Variants in NONO observed in about 807,000 individuals in gnomAD.
NONO encodes the protein non-POU domain-containing octamer-binding protein.
NONO carries 6 observed loss-of-function variants against 40.2 expected under a neutral mutation model. That is an observed-to-expected ratio of 0.15 (90% CI 0.08 to 0.29). The LOEUF (loss-of-function observed/expected upper bound fraction) is 0.29. Ranked by LOEUF, NONO falls within the 10% of genes least tolerant of loss-of-function variation. The pLI is 1.00. For synonymous variants in NONO, 89 were observed against 123.3 expected, an observed-to-expected ratio of 0.72 and a Z score of 1.85; for missense variants, 133 against 397.8, an observed-to-expected ratio of 0.33 and a Z score of 5.66.
At chrX:71,283,938 G>C (rs766501752) in intron 1 of NONO, 5 of 111,797 alleles carry the variant, frequency 4.5e-5, no homozygotes. Flanking sequence ...CCCCATTTTC[G>C]TTCCTGCCCT....
chrX:71,288,008 A>AT (rs1198660933), intron 2 of NONO, among the ~76,000 whole-genome samples: 3,294 of 71,899 alleles, frequency 0.046, 76 homozygotes, highest in Middle Eastern at 0.16. Context: ...TGCTGGCTTC[A>AT]TTTTTTTTTT....
intron 4 of NONO, among the ~76,000 whole-genome samples, chrX:71,293,833 T>C (rs1053288802): frequency 2.7e-5 from 3 of 110,910 alleles, no homozygotes; most frequent in Admixed American, 9.6e-5. Context: ...GGTTTCACCC[T>C]GTTGGCCAGG....
At position 71,296,947 on chromosome X, in the gene NONO, G is replaced by A. The variant is rs763112928; in HGVS notation, c.843G>A (p.Gln281=). 1 of 1,208,745 alleles carries A rather than the reference G, an allele frequency of 8.3e-7. No individual in the cohort carries two copies. The highest frequency in any genetic ancestry group is 1.8e-5 in the African/African-American group (1 of 57,075). ...WKALIEMEKQ[Q]QDQVDRNIKE... ...CACTCATTGAGATGGAGAAGCAGCA[G>A]CAGGACCAAGTGGACCGCAACATCA... Residue 281 remains glutamine, a synonymous_variant, in exon 7 of 12, where the codon CAG becomes CAA. Coordinates refer to ENST00000276079, the MANE Select transcript of NONO (RefSeq NM_007363.5).
chrX:71,297,370 T>C lies in NONO; in HGVS notation c.944-7T>C. On this transcript the variant is annotated splice_region_variant and splice_polypyrimidine_tract_variant and intron_variant, in intron 7 of 11. Coordinates refer to ENST00000276079, the MANE Select transcript of NONO (RefSeq NM_007363.5). The stretch of plus-strand genomic sequence containing the variant: ...TGAGGAATATTCTTAGTCTGTTGTT[T>C]TTTTAGATTTGATGAGGCGCCAAGA... 8.5e-7 allele frequency: 1 copy of C among 1,170,277 alleles called. No individual in the cohort carries two copies. The highest frequency in any genetic ancestry group is 3.2e-5 in the East Asian group (1 of 31,279).
At chrX:71,291,719 G>A in intron 3 of NONO, 60 bp from the exon 4 acceptor site, 1 of 886,766 alleles carries the variant, frequency 1.1e-6, no homozygotes, top group Non-Finnish European at 1.5e-6. Context: ...ATAGGTCTTT[G>A]AGGATACGAC....
intron 4 of NONO, 132 bp downstream of exon 4, chrX:71,292,104 A>G (rs1401377158): frequency 4.6e-6 from 2 of 434,595 alleles, no homozygotes; most frequent in East Asian, 8.1e-5. Context: ...AAACAGAACC[A>G]CAAAAATGGC....
rs2031552737 is a variant in NONO, at chrX:71,300,385, C to CA, written c.*309_*310insA. Reference sequence around the variant, plus strand: ...TAGAGCCCATTAATCTTGATCATTCCGGTTTTTTTTTTTTTTGTCCATCTT... The same window carrying CA: ...TAGAGCCCATTAATCTTGATCATTCCAGGTTTTTTTTTTTTTTGTCCATCTT... On this transcript the variant is annotated 3_prime_UTR_variant, in exon 12 of 12. Coordinates refer to ENST00000276079, the MANE Select transcript of NONO (RefSeq NM_007363.5). The CA allele has an allele frequency of 2.2e-5, 6 of 272,569 alleles. No homozygotes were observed. The South Asian group carries it at 2.5e-4, about 11-fold the overall frequency. The allele number at this position is 272,569 out of a possible 1,213,427, so 22.5% of individuals were successfully genotyped here. A position where few individuals can be genotyped will look rare whatever the true frequency, so the allele number is the denominator to read the frequency against.
Position 71,301,109 on chromosome X carries a change from T to TC in NONO, c.*1034dup, listed in dbSNP as rs1488698598. On this transcript the variant is annotated 3_prime_UTR_variant, in exon 12 of 12. Coordinates refer to ENST00000276079, the MANE Select transcript of NONO (RefSeq NM_007363.5). ...ATTTGTCTCATATATTTGGAGTTTTTCTGAAAAATGGAGCAGTAATGCAGC... is the reference window on the plus strand; with the variant it reads ...ATTTGTCTCATATATTTGGAGTTTTTCCTGAAAAATGGAGCAGTAATGCAGC... 3 of 141,845 alleles carry TC rather than the reference T, an allele frequency of 2.1e-5. No individual in the cohort carries two copies. The allele number at this position is 141,845 out of a possible 1,213,427, so 11.7% of individuals were successfully genotyped here.
chrX:71,300,030 C>G lies in NONO; in HGVS notation c.1370C>G (p.Ala457Gly). The G allele has an allele frequency of 8.3e-7, 1 of 1,211,324 alleles. No homozygotes were observed. The highest frequency in any genetic ancestry group is 2.2e-5 in the Admixed American group (1 of 45,980). The part of the protein sequence containing the change: ...IGGTPPAFNR[A>G]APGAEFAPNK... ...GGAACTCCTCCTGCATTCAACCGTG[C>G]AGCTCCTGGAGCTGAATTTGCCCCA... The change falls in exon 12 of 12, where the codon GCA becomes GGA. Residue 457 changes from alanine to glycine, a missense_variant. Coordinates refer to ENST00000276079, the MANE Select transcript of NONO (RefSeq NM_007363.5).
rs1206132532 is a variant in NONO at position 71,297,089 on chromosome X, T to G, written c.943+42T>G. The stretch of plus-strand genomic sequence containing the variant: ...AAGTCTTAAAGCTGAAAGGACAAAA[T>G]GACATTTTTAAATGGGTTTCTTTGT... On this transcript the variant is annotated intron_variant, in intron 7 of 11. Coordinates refer to ENST00000276079, the MANE Select transcript of NONO (RefSeq NM_007363.5). 7.5e-6 allele frequency: 8 copies of G among 1,067,136 alleles called. No homozygotes were observed. In the South Asian group the frequency reaches 1.6e-4, roughly 21 times the overall value. The allele number at this position is 1,067,136 out of a possible 1,213,427, so 87.9% of individuals were successfully genotyped here. A position where few individuals can be genotyped will look rare whatever the true frequency, so the allele number is the denominator to read the frequency against.
intron 9 of NONO, 71 bp from the exon 10 acceptor site, chrX:71,298,398 T>C (rs377590065): frequency 2.2e-6 from 2 of 907,466 alleles, no homozygotes; most frequent in African/African-American, 3.9e-5. Flanking sequence ...TCCCTTAGTG[T>C]GTGGTCCTTG....
intron 2 of NONO, among the ~76,000 whole-genome samples, chrX:71,290,142 GCTCAAGTGATCCTCCCAC>G (rs2031291159): frequency 9.0e-6 from 1 of 110,710 alleles, no homozygotes; most frequent in African/African-American, 3.3e-5. Flanking sequence ...GAACTCCTGG[GCTCAAGTGATCCTCCCAC>G]CTCAGCCTCC....
At chrX:71,296,239 G>A (rs769345941) in intron 5 of NONO, among the ~76,000 whole-genome samples, 2 of 104,209 alleles carry the variant, frequency 1.9e-5, no homozygotes, top group Admixed American at 1.1e-4. Flanking sequence ...TCTGTCTCCC[G>A]GGTCCAAGTG....
At position 71,294,667 on chromosome X, in the gene NONO, C is replaced by T. The variant is rs1481764465; in HGVS notation, c.650+139C>T. ...GCATGGTGGCTGACTCCTGTAATCC[C>T]AGCACTTTGGGAGGCCGGGGCAGGC... On this transcript the variant is annotated intron_variant, in intron 5 of 11. Transcript: ENST00000276079. The T allele has an allele frequency of 5.0e-6, 3 of 603,540 alleles. No homozygotes were observed. In the African/African-American group the frequency reaches 6.8e-5, roughly 14 times the overall value. The allele number at this position is 603,540 out of a possible 1,213,427, so 49.7% of individuals were successfully genotyped here. A position where few individuals can be genotyped will look rare whatever the true frequency, so the allele number is the denominator to read the frequency against.
At chrX:71,297,683 T>C in intron 8 of NONO, 153 bp from the exon 9 acceptor site, 1 of 505,281 alleles carries the variant, frequency 2.0e-6, no homozygotes, top group Non-Finnish European at 3.3e-6. Flanking sequence ...ATGAGGTTTC[T>C]TTGGGGGTTG....
At chrX:71,297,087 A>G in intron 7 of NONO, 40 bp downstream of exon 7, 1 of 1,072,709 alleles carries the variant, frequency 9.3e-7, no homozygotes, top group Non-Finnish European at 1.2e-6. Context: ...GAAAGGACAA[A>G]ATGACATTTT....
rs1326797365 is a variant in NONO at position 71,296,554 on chromosome X, C to T, written c.651-11C>T. 8.5e-7 allele frequency: 1 copy of T among 1,173,190 alleles called. No individual in the cohort carries two copies. Among genetic ancestry groups the T allele is most frequent in the Admixed American group, 2.3e-5 (1 of 43,715 alleles). ...GATTTGATTAACACTGAACTTTGTT[C>T]TTTCTTCCAGATTTCCTCGTCCTGT... On this transcript the variant is annotated splice_polypyrimidine_tract_variant and intron_variant, in intron 5 of 11. Transcript: ENST00000276079.
At chrX:71,288,916 A>G (rs1209462972) in intron 2 of NONO, among the ~76,000 whole-genome samples, 2 of 112,152 alleles carry the variant, frequency 1.8e-5, no homozygotes, top group Non-Finnish European at 3.8e-5. Flanking sequence ...TGAGGAACAC[A>G]ATTCAAACCT....
chrX:71,296,696 T>A, intron 6 of NONO, 36 bp downstream of exon 6: 1 of 1,083,559 alleles, frequency 9.2e-7, no homozygotes, highest in Non-Finnish European at 1.3e-6. Context: ...ATTAGGTGTT[T>A]CCTTCTTAAG....
Sources: allele counts gnomAD v4.1 joint callset (sites outside exome capture counted in the v4.1 genomes callset), GRCh38; gene constraint gnomAD v4.1.1; transcripts MANE v1.5; gene names NCBI Gene and HGNC (gene_info 2026-07-23, HGNC 2026-07-21).